The following TEX9 variants were observed in gnomAD, a reference collection of about 807,000 sequenced individuals.
TEX9 encodes the protein testis-expressed protein 9.
A neutral mutation model predicts 59.6 loss-of-function variants in TEX9; 74 were observed. That is an observed-to-expected ratio of 1.24 (90% confidence interval 1.03 to 1.51). The LOEUF is 1.51. TEX9 is among the 40% of genes most tolerant of loss of function. The pLI is 0.00. For synonymous variants in TEX9, 186 were observed against 152.2 expected (o/e 1.22, Z -1.64); for missense variants, 522 against 447.8 (o/e 1.17, Z -1.49).
intron 9 of TEX9, chr15:56,408,368 A>C (rs569054462): frequency 2.0e-5 from 3 of 152,304 alleles, no homozygotes; most frequent in Admixed American, 2.0e-4. Flanking sequence ...AAACACTATT[A>C]ATTTGGCTTC....
chr15:56,360,730 A>G (rs1405603624), upstream of TEX9, among the ~76,000 whole-genome samples: 1 of 152,160 alleles, frequency 6.6e-6, no homozygotes, highest in Non-Finnish European at 1.5e-5. Flanking sequence ...TTGATATATA[A>G]AAAACTAATA....
At chr15:56,307,479 G>C (rs1277305902) in intron 1 of TEX9, among the ~76,000 whole-genome samples, 1 of 152,204 alleles carries the variant, frequency 6.6e-6, no homozygotes, top group African/African-American at 2.4e-5. Flanking sequence ...GCAGGAAATA[G>C]CCTCAACTCT....
At chr15:56,300,708 G>GAGGGAGAGAGAGAGAGA (rs2045331855) in intron 1 of TEX9, among the ~76,000 whole-genome samples, 1 of 102,728 alleles carries the variant, frequency 9.7e-6, no homozygotes, top group African/African-American at 3.9e-5. Flanking sequence ...AGAGAGAGAG[G>GAGGGAGAGAGAGAGAGA]GAGAGAGAGA....
intron 1 of TEX9, among the ~76,000 whole-genome samples, chr15:56,325,713 C>T (rs1367746085): frequency 6.6e-6 from 1 of 152,116 alleles, no homozygotes; most frequent in Non-Finnish European, 1.5e-5. Context: ...TCTTGATGGA[C>T]TCTCGTTCAC....
At chr15:56,372,938 G>C (rs2047255442) in intron 2 of TEX9, among the ~76,000 whole-genome samples, 1 of 152,074 alleles carries the variant, frequency 6.6e-6, no homozygotes, top group Non-Finnish European at 1.5e-5. Context: ...ATTAAAGTAT[G>C]TATCTGAGGT....
intron 1 of TEX9, among the ~76,000 whole-genome samples, chr15:56,314,418 A>C (rs1192787177): frequency 3.9e-5 from 4 of 101,336 alleles, no homozygotes; most frequent in Admixed American, 3.4e-4. Flanking sequence ...CCCAGTAGTC[A>C]TTCAGGAGCA....
At chr15:56,307,380 T>C (rs1395692979) in intron 1 of TEX9, among the ~76,000 whole-genome samples, 4 of 152,196 alleles carry the variant, frequency 2.6e-5, no homozygotes, top group Non-Finnish European at 5.9e-5. Flanking sequence ...TCTGGACAGC[T>C]GTTTCCAATT....
intron 1 of TEX9, among the ~76,000 whole-genome samples, chr15:56,280,261 C>T (rs1202853345): frequency 2.0e-5 from 3 of 152,142 alleles, no homozygotes; most frequent in Non-Finnish European, 4.4e-5. Flanking sequence ...AGACTCTCCA[C>T]CCACCCCACC....
chr15:56,443,589 C>A, intron 12 of TEX9: 1 of 1,583,984 alleles, frequency 6.3e-7, no homozygotes, highest in Non-Finnish European at 8.6e-7. Flanking sequence ...AATTCTGTAA[C>A]TAATATTTCA....
intron 10 of TEX9, among the ~76,000 whole-genome samples, chr15:56,426,434 G>T (rs1424424654): frequency 1.3e-5 from 2 of 150,328 alleles, no homozygotes; most frequent in African/African-American, 4.9e-5. Context: ...TGACTGATTG[G>T]TTTCTAGAGC....
intron 12 of TEX9, among the ~76,000 whole-genome samples, chr15:56,437,413 C>T (rs1158998564): frequency 2.0e-5 from 3 of 152,176 alleles, no homozygotes; most frequent in Non-Finnish European, 4.4e-5. Flanking sequence ...CAAAATTCAA[C>T]AGCCCTTCTT....
intron 1 of TEX9, among the ~76,000 whole-genome samples, chr15:56,309,711 T>C (rs1212283303): frequency 1.5e-5 from 2 of 132,794 alleles, no homozygotes; most frequent in African/African-American, 5.2e-5. Flanking sequence ...TTTTTTTTTT[T>C]TTTTTTTTTT....
chr15:56,395,376 C>T (rs1443049543), intron 9 of TEX9: 1 of 152,108 alleles, frequency 6.6e-6, no homozygotes, highest in Non-Finnish European at 1.5e-5. Flanking sequence ...TTTATCAGTT[C>T]GTAGCTTTAG....
At chr15:56,286,887 T>TA (rs11403800) in intron 1 of TEX9, among the ~76,000 whole-genome samples, 148,395 of 152,224 alleles carry the variant, frequency 0.97, 72,456 homozygotes, top group East Asian at 1. Flanking sequence ...TTGGCATATT[T>TA]TAACTATTTC....
chr15:56,297,458 A>G (rs902289825), intron 1 of TEX9, among the ~76,000 whole-genome samples: 2 of 152,212 alleles, frequency 1.3e-5, no homozygotes, highest in Admixed American at 1.3e-4. Flanking sequence ...ATAACAGCAA[A>G]TGTTCTCCTA....
chr15:56,329,184 G>A lies in TEX9; in HGVS notation c.-106-44257G>A, dbSNP rs76723546. ...CTGGATCATGTCCAAGGCCACCAAGGCAGTATCTCTGTGAGTCTAGAAGAA... is the reference window on the plus strand; with the variant it reads ...CTGGATCATGTCCAAGGCCACCAAGACAGTATCTCTGTGAGTCTAGAAGAA... On this transcript the variant is annotated intron_variant, in intron 1 of 5. Transcript: ENST00000560827. Among the ~76,000 whole-genome samples, 805 of 152,260 alleles carry A rather than the reference G, an allele frequency of 5.3e-3. 6 individuals are homozygous for A. The highest frequency in any genetic ancestry group is 0.018 in the African/African-American group (760 of 41,548).
intron 1 of TEX9, among the ~76,000 whole-genome samples, chr15:56,279,256 A>G (rs947266870): frequency 1.3e-5 from 2 of 152,192 alleles, no homozygotes; most frequent in African/African-American, 4.8e-5. Context: ...TACTTTGTTG[A>G]GAAGAGCTAG....
chr15:56,435,552 A>C (rs1221104875), intron 12 of TEX9, among the ~76,000 whole-genome samples: 1 of 152,098 alleles, frequency 6.6e-6, no homozygotes, highest in Non-Finnish European at 1.5e-5. Context: ...TATTATACAC[A>C]CATAAATTTG....
rs190693365 is a variant in TEX9 at position 56,336,312 on chromosome 15, G to A, written c.-106-37129G>A. Among the ~76,000 whole-genome samples, 246 of 152,208 alleles carry A rather than the reference G, an allele frequency of 1.6e-3. 3 individuals are homozygous for A. The highest frequency in any genetic ancestry group is 4.1e-3 in the East Asian group (21 of 5,174). ...CCCAATATGATGGTATTTGAAGGTGGGGCCTTTGGAAGGTAATTAGGTCAC... is the reference window on the plus strand; with the variant it reads ...CCCAATATGATGGTATTTGAAGGTGAGGCCTTTGGAAGGTAATTAGGTCAC... On this transcript the variant is annotated intron_variant, in intron 1 of 5. Coordinates refer to the TEX9 transcript ENST00000560827.
Sources: gnomAD v4.1 joint callset for allele counts (sites outside exome capture counted in the v4.1 genomes callset) on GRCh38, gnomAD v4.1.1 for gene constraint, MANE v1.5 for transcripts, NCBI Gene and HGNC (gene_info 2026-07-23, HGNC 2026-07-21) for gene names.